COL12A1: variants seen among roughly 807,000 people sequenced by gnomAD.
COL12A1 encodes the protein collagen type XII alpha 1 chain.
A neutral mutation model predicts 349.7 loss-of-function variants in COL12A1; 114 were observed. That is an observed-to-expected ratio of 0.33 (90% CI 0.28 to 0.38). The LOEUF (loss-of-function observed/expected upper bound fraction) is 0.38. Among genes scored for constraint, COL12A1 ranks in the 10% least tolerant of loss-of-function variants. The pLI is 1.00. For synonymous variants in COL12A1, 1,369 were observed against 1,329.0 expected (o/e 1.03, Z -0.66); for missense variants, 3,284 against 3,756.9 (o/e 0.87, Z 3.29).
intron 2 of COL12A1, among the ~76,000 whole-genome samples, chr6:75,201,229 T>A (rs1450900224): frequency 6.6e-6 from 1 of 152,150 alleles, no homozygotes; most frequent in Non-Finnish European, 1.5e-5. Flanking sequence ...TAGTAGGGCC[T>A]CCAGAAGTTC....
intron 12 of COL12A1, among the ~76,000 whole-genome samples, chr6:75,175,557 T>C (rs1193360610): frequency 6.6e-6 from 1 of 152,228 alleles, no homozygotes; most frequent in African/African-American, 2.4e-5. Context: ...AAATCTTCCA[T>C]GTAAAATCTT....
Position 75,146,198 on chromosome 6 carries a change from G to A in COL12A1, c.4464C>T (p.Thr1488=), listed in dbSNP as rs763276220. ...CAGGCTGCCACTGCACATGCATGGT[G>A]GTAGGGCCAACATCATAAATATTCA... is the stretch of plus-strand genomic sequence containing the variant. ...VSLNIYDVGP[T]TMHVQWQPVG... The change falls in exon 24 of 66, where the codon ACC becomes ACT. Residue 1488 remains threonine (T), a synonymous_variant. Coordinates refer to ENST00000322507, the MANE Select transcript of COL12A1 (RefSeq NM_004370.6). The A allele has an allele frequency of 1.9e-6, 3 of 1,612,958 alleles. No individual in the cohort carries two copies. The African/African-American group carries it at 4.0e-5, about 22-fold the overall frequency.
chr6:75,104,210 C>T (rs1220348461), intron 54 of COL12A1, among the ~76,000 whole-genome samples: 1 of 152,074 alleles, frequency 6.6e-6, no homozygotes, highest in East Asian at 1.9e-4. Flanking sequence ...AACAGGAATT[C>T]AGAAACAACT....
chr6:75,104,165 A>G (rs901595602), intron 54 of COL12A1, among the ~76,000 whole-genome samples: 2 of 152,230 alleles, frequency 1.3e-5, no homozygotes, highest in Admixed American at 1.3e-4. Flanking sequence ...AAAGAAGAGT[A>G]TCTTAAATCG....
intron 13 of COL12A1, among the ~76,000 whole-genome samples, chr6:75,167,358 T>C (rs1768364462): frequency 6.6e-6 from 1 of 152,170 alleles, no homozygotes; most frequent in African/African-American, 2.4e-5. Flanking sequence ...TCCTCTAAAT[T>C]TCCTAGATTG....
Position 75,186,308 on chromosome 6 carries a change from G to A in COL12A1, c.997+2054C>T, listed in dbSNP as rs145780461. Among the ~76,000 whole-genome samples the A allele has an allele frequency of 3.9e-4, 59 of 152,162 alleles. 1 individual carries two copies. The East Asian group carries it at 9.1e-3, about 23-fold the overall frequency. ...CAACCCCATTTAAAAGTGGGCAAAGGACATAAACAGACACTTTTCAAAAGA... is the reference window on the plus strand; with the variant it reads ...CAACCCCATTTAAAAGTGGGCAAAGAACATAAACAGACACTTTTCAAAAGA... On this transcript the variant is annotated intron_variant, in intron 8 of 65. Coordinates refer to ENST00000322507, the MANE Select transcript of COL12A1 (RefSeq NM_004370.6).
At chr6:75,180,035 C>T (rs917475217) in intron 11 of COL12A1, among the ~76,000 whole-genome samples, 4 of 152,188 alleles carry the variant, frequency 2.6e-5, no homozygotes, top group Non-Finnish European at 5.9e-5. Flanking sequence ...ATGCCACACA[C>T]CTGTAGTCCC....
rs1194500291 is a variant in COL12A1 at position 75,183,844 on chromosome 6, A to G, written c.1288+10T>C. The G allele has an allele frequency of 1.2e-6, 2 of 1,613,490 alleles. No individual in the cohort carries two copies. Among genetic ancestry groups the G allele is most frequent in the East Asian group, 2.2e-5 (1 of 44,870 alleles). Reference sequence around the variant, plus strand: ...ATATTCCAAATACAATGATGCACACATTGACTTACCCACTTGAACTTTCAT... The same window carrying G: ...ATATTCCAAATACAATGATGCACACGTTGACTTACCCACTTGAACTTTCAT... On this transcript the variant is annotated intron_variant, in intron 9 of 65. Coordinates refer to ENST00000322507, the MANE Select transcript of COL12A1 (RefSeq NM_004370.6).
chr6:75,202,204 C>T (rs1008497867), intron 2 of COL12A1, among the ~76,000 whole-genome samples: 1 of 152,208 alleles, frequency 6.6e-6, no homozygotes, highest in African/African-American at 2.4e-5. Context: ...GCACCGTCCG[C>T]CCCGCCGACT....
rs925109042 is a variant in COL12A1, at chr6:75,189,694, A to G, written c.516T>C (p.Ile172=). The change falls in exon 6 of 66, where the codon ATT becomes ATC. Residue 172 remains isoleucine, a synonymous_variant. Coordinates refer to ENST00000322507, the MANE Select transcript of COL12A1 (RefSeq NM_004370.6). The stretch of plus-strand genomic sequence containing the variant: ...CTCCAACTCTTGTCTTCTCTTCCCC[A>G]ATGTCAAAAGCAGACACAAGAGCAG... ...FIAALVSAFD[I]GEEKTRVGVV... 2 of 1,613,442 alleles carry G rather than the reference A, an allele frequency of 1.2e-6. No homozygotes were observed. The highest frequency in any genetic ancestry group is 1.7e-6 in the Non-Finnish European group (2 of 1,179,496).
Position 75,134,798 on chromosome 6 carries a change from G to T in COL12A1, c.5452C>A (p.Pro1818Thr). The T allele has an allele frequency of 6.2e-7, 1 of 1,613,404 alleles. No individual in the cohort carries two copies. The highest frequency in any genetic ancestry group is 8.5e-7 in the Non-Finnish European group (1 of 1,179,540). The change falls in exon 32 of 66, where the codon CCT (proline) becomes ACT (threonine). Residue 1818 changes from proline (P) to threonine (T), a missense_variant. Coordinates refer to ENST00000322507, the MANE Select transcript of COL12A1 (RefSeq NM_004370.6). ...VVLQKLKPDT[P>T]YTITVSSLYP... The stretch of plus-strand genomic sequence containing the variant: ...AGAGAGGATACGGTGATAGTGTAAG[G>T]AGTGTCTGGCTTCAGTTTCTGCAGG...
intron 8 of COL12A1, 69 bp from the exon 9 acceptor site, chr6:75,184,213 T>C: frequency 1.4e-6 from 2 of 1,479,184 alleles, no homozygotes; most frequent in South Asian, 2.6e-5. Context: ...GTCTTTAGGT[T>C]TGGACCTTCA....
Position 75,134,525 on chromosome 6 carries a change from C to T in COL12A1, c.5524+201G>A, listed in dbSNP as rs185381237. On this transcript the variant is annotated intron_variant, in intron 32 of 65. Transcript: ENST00000322507. The stretch of plus-strand genomic sequence containing the variant: ...GGCAGAGGATGCAGTGAGCCAAGAT[C>T]GTGCCACTGCACTCCAGCCTGGGCA... 4.0e-4 allele frequency among the ~76,000 whole-genome samples: 61 copies of T among 151,872 alleles called. No individual in the cohort carries two copies. In the East Asian group the frequency reaches 8.5e-3, roughly 21 times the overall value.
At chr6:75,121,226 T>G (rs934280994) in intron 44 of COL12A1, 76 bp downstream of exon 44, 2 of 1,343,838 alleles carry the variant, frequency 1.5e-6, no homozygotes, top group Middle Eastern at 2.0e-4. Context: ...TTGAAAAGAC[T>G]TTTTACTTAA....
intron 58 of COL12A1, among the ~76,000 whole-genome samples, chr6:75,100,961 C>T (rs1034367228): frequency 7.9e-5 from 12 of 152,144 alleles, no homozygotes; most frequent in African/African-American, 1.7e-4. Flanking sequence ...TCCTATGGAA[C>T]CAAATATTTC....
chr6:75,102,482 C>A, intron 56 of COL12A1, 115 bp downstream of exon 56: 1 of 719,180 alleles, frequency 1.4e-6, no homozygotes, highest in South Asian at 4.1e-5. Flanking sequence ...ATCTCGGTGA[C>A]TAACCTCGTT....
intron 51 of COL12A1, among the ~76,000 whole-genome samples, chr6:75,109,799 A>G (rs1365001963): frequency 6.6e-6 from 1 of 152,110 alleles, no homozygotes; most frequent in African/African-American, 2.4e-5. Flanking sequence ...CTCTATTAGT[A>G]TAGATAATTA....
chr6:75,173,219 G>A (rs1342699342), intron 13 of COL12A1, among the ~76,000 whole-genome samples: 2 of 152,150 alleles, frequency 1.3e-5, no homozygotes, highest in Admixed American at 6.5e-5. Flanking sequence ...AAGGCCCAGA[G>A]GGGTTAAAGG....
At position 75,137,695 on chromosome 6, in the gene COL12A1, T is replaced by G. The variant is rs574375051; in HGVS notation, c.5252-116A>C. 2.2e-5 allele frequency: 25 copies of G among 1,117,944 alleles called. No homozygotes were observed. The African/African-American group carries it at 3.9e-4, about 17-fold the overall frequency. 69.3% of individuals were successfully genotyped at this position (1,117,944 alleles called of 1,614,324 possible). ...TATGCCTCTGGGTTTATAATTAAAT[T>G]CGTTCCCTTAATAAAAATGGTTATT... On this transcript the variant is annotated intron_variant, in intron 30 of 65. Coordinates refer to ENST00000322507, the MANE Select transcript of COL12A1 (RefSeq NM_004370.6).
Sources: allele counts gnomAD v4.1 joint callset (sites outside exome capture counted in the v4.1 genomes callset), GRCh38; gene constraint gnomAD v4.1.1; transcripts MANE v1.5; gene names NCBI Gene and HGNC (gene_info 2026-07-23, HGNC 2026-07-21).